The following ENPP5 variants were observed in gnomAD, a reference collection of about 807,000 sequenced individuals.
ENPP5 encodes the protein E-NPP 5.
ENPP5 carries 27 observed loss-of-function variants against 33.7 expected under a neutral mutation model. The ratio of observed to expected loss-of-function variants is 0.80; its 90% CI spans 0.59 to 1.11. The LOEUF is 1.11. ENPP5 is among the 50% of genes least tolerant of loss of function. The pLI is 0.00. For missense variants in ENPP5, 552 were observed against 579.2 expected (o/e 0.95, Z 0.48); for synonymous variants, 199 against 200.5 (o/e 0.99, Z 0.06).
chr6:46,164,728 A>AT (rs779495236), intron 4 of ENPP5, among the ~76,000 whole-genome samples: 7,162 of 92,866 alleles, frequency 0.077, 188 homozygotes, highest in South Asian at 0.13. Context: ...AAAACTGTTT[A>AT]TTTTTTTTTT....
chr6:46,161,193 G>GTA lies in ENPP5; in HGVS notation c.*131_*132dup. 5 of 645,200 alleles carry GTA rather than the reference G, an allele frequency of 7.7e-6. No homozygotes were observed. The highest frequency in any genetic ancestry group is 7.9e-6 in the Non-Finnish European group (3 of 377,770). 40.0% of individuals were successfully genotyped at this position (645,200 alleles called of 1,614,324 possible). A position where few individuals can be genotyped will look rare whatever the true frequency, so the allele number is the denominator to read the frequency against. On this transcript the variant is annotated 3_prime_UTR_variant, in exon 5 of 5. Coordinates refer to ENST00000371383, the MANE Select transcript of ENPP5 (RefSeq NM_001290072.2). ...TGTGTATGTGTGTGTGTGTGTGTGT[G>GTA]TATACCTAAATATGTAACTGCTTAA... is the stretch of plus-strand genomic sequence containing the variant.
intron 4 of ENPP5, chr6:46,165,120 G>A (rs1004360568): frequency 3.3e-6 from 1 of 301,682 alleles, no homozygotes. Flanking sequence ...AAATGCCATT[G>A]TTCAGGCATC....
At position 46,167,660 on chromosome 6, in the gene ENPP5, A is replaced by C; in HGVS notation, c.603T>G (p.Ser201Arg). The change falls in exon 3 of 5, where the codon AGT becomes AGG. Residue 201 changes from serine to arginine, a missense_variant. By Grantham distance (110) the Ser-to-Arg change is moderately radical. Transcript: ENST00000371383. Reference protein sequence around the residue: ...DDMGHHLGPDSPLMGPVISDI... With the variant: ...DDMGHHLGPDRPLMGPVISDI... ...CTGAAATGACAGGCCCCATGAGCGG[A>C]CTGTCAGGTCCCAAATGGTGGCCCA... 1 of 1,614,080 alleles carries C rather than the reference A, an allele frequency of 6.2e-7. No individual in the cohort carries two copies.
At position 46,159,491 on chromosome 6, in the gene ENPP5, T is replaced by C. The variant is rs1764320428; in HGVS notation, c.*1835A>G. The C allele has an allele frequency of 1.3e-5, 2 of 152,298 alleles. No homozygotes were observed. Among genetic ancestry groups the C allele is most frequent in the South Asian group, 4.1e-4 (2 of 4,820 alleles). The allele number at this position is 152,298 out of a possible 1,614,324, so 9.4% of individuals were successfully genotyped here. On this transcript the variant is annotated 3_prime_UTR_variant, in exon 5 of 5. Coordinates refer to ENST00000371383, the MANE Select transcript of ENPP5 (RefSeq NM_001290072.2). ...AGCCAACATGAGTGCTCATGTATTC[T>C]GAGATGTCTAATCCAGAGTTCATAC...
intron 4 of ENPP5, among the ~76,000 whole-genome samples, chr6:46,162,433 G>A (rs1764420720): frequency 6.6e-6 from 1 of 152,150 alleles, no homozygotes; most frequent in Non-Finnish European, 1.5e-5. Flanking sequence ...GACATAAAAT[G>A]GATACGAAAT....
rs987980465 is a variant in ENPP5 at position 46,168,378 on chromosome 6, G to C, written c.-35-81C>G. On this transcript the variant is annotated intron_variant, in intron 2 of 4. Coordinates refer to ENST00000371383, the MANE Select transcript of ENPP5 (RefSeq NM_001290072.2). ...CCCAAACTCAGAGTAACAGTGCTTA[G>C]CAATCCTAGTTATATTCATAAATCA... 6.8e-6 allele frequency: 4 copies of C among 589,740 alleles called. No homozygotes were observed. The East Asian group carries it at 1.1e-4, about 17-fold the overall frequency. 36.5% of individuals were successfully genotyped at this position (589,740 alleles called of 1,614,324 possible). A position where few individuals can be genotyped will look rare whatever the true frequency, so the allele number is the denominator to read the frequency against.
chr6:46,164,664 C>T (rs531317535), intron 4 of ENPP5, among the ~76,000 whole-genome samples: 2 of 152,008 alleles, frequency 1.3e-5, no homozygotes, highest in African/African-American at 2.4e-5. Flanking sequence ...TAAGAGCTAC[C>T]TGCACAAGAC....
chr6:46,167,996 C>T lies in ENPP5; in HGVS notation c.267G>A (p.Gly89=). The change falls in exon 3 of 5, where the codon GGG becomes GGA. Residue 89 remains glycine, a synonymous_variant. Transcript: ENST00000371383. ...GATCAAACATATCATTTGCAACAAT[C>T]CCATGATTCTCTGCAAAGAGGCCAG... ...LVTGLFAENH[G]IVANDMFDPI... is the part of the protein sequence containing the mutation. 5 of 1,614,118 alleles carry T rather than the reference C, an allele frequency of 3.1e-6. No homozygotes were observed. In the South Asian group the frequency reaches 4.4e-5, roughly 14 times the overall value.
Position 46,161,681 on chromosome 6 carries a change from CT to C in ENPP5, c.1078del (p.Arg360GlufsTer9). 1.2e-6 allele frequency: 2 copies of C among 1,613,886 alleles called. No homozygotes were observed. Among genetic ancestry groups the C allele is most frequent in the Non-Finnish European group, 1.7e-6 (2 of 1,179,892 alleles). ...PIFLAHGPAFRKNFSKEAMNS... is the reference protein window; with the variant it reads ...PIFLAHGPAFXKNFSKEAMNS... The stretch of plus-strand genomic sequence containing the variant: ...CATGGCTTCTTTTGAGAAATTCTTT[CT>C]GAAGGCAGGACCATGGGCTAAAAAT... On this transcript the variant is annotated frameshift_variant, in exon 5 of 5. Transcript: ENST00000371383. LOFTEE classifies it high-confidence loss of function.
rs376247289 is a variant in ENPP5 at position 46,165,380 on chromosome 6, TACTC to T, written c.1006+3_1006+6del. Reference sequence around the variant, plus strand: ...CAGAATGGAAAGAAATACTGTAACATACTCACACAGAAAGTCATCTGACTTATTC... The same window carrying T: ...CAGAATGGAAAGAAATACTGTAACATACACAGAAAGTCATCTGACTTATTC... On this transcript the variant is annotated splice_donor_5th_base_variant and intron_variant, in intron 4 of 4. Transcript: ENST00000371383. The T allele has an allele frequency of 3.0e-5, 46 of 1,554,892 alleles. No individual in the cohort carries two copies. Among genetic ancestry groups the T allele is most frequent in the Non-Finnish European group, 3.8e-5 (44 of 1,157,696 alleles).
In ENPP5 at chr6:46,167,549, A is replaced by G. The variant is rs2127498932; in HGVS notation, c.714T>C (p.Asp238=). Residue 238 remains aspartate, a synonymous_variant, in exon 3 of 5, where the codon GAT becomes GAC. Transcript: ENST00000371383. ...CCTCAGAGCACTGCGTCATTCCATG[A>G]TCACTTGTGATGATTAGGTTCAGAG... is the stretch of plus-strand genomic sequence containing the variant. ...WNTLNLIITS[D]HGMTQCSEER... 6.2e-7 allele frequency: 1 copy of G among 1,614,142 alleles called. No individual in the cohort carries two copies. Among genetic ancestry groups the G allele is most frequent in the South Asian group, 1.1e-5 (1 of 91,076 alleles).
intron 4 of ENPP5, among the ~76,000 whole-genome samples, chr6:46,162,281 A>G (rs1764416297): frequency 6.6e-6 from 1 of 152,208 alleles, no homozygotes; most frequent in Admixed American, 6.5e-5. Flanking sequence ...ATCTACTACT[A>G]AAAAACAAAG....
intron 3 of ENPP5, among the ~76,000 whole-genome samples, chr6:46,166,948 G>A (rs1165912472): frequency 6.6e-6 from 1 of 152,138 alleles, no homozygotes; most frequent in Admixed American, 6.5e-5. Context: ...AAAGTTTAAG[G>A]TATTGTTATT....
At chr6:46,166,395 G>C (rs1303013068) in intron 3 of ENPP5, among the ~76,000 whole-genome samples, 2 of 150,396 alleles carry the variant, frequency 1.3e-5, no homozygotes, top group Admixed American at 1.3e-4. Flanking sequence ...CTGGGCTCAA[G>C]CAACCCTTCC....
At chr6:46,169,390 ACTT>A (rs935282096) in intron 2 of ENPP5, among the ~76,000 whole-genome samples, 42 of 107,160 alleles carry the variant, frequency 3.9e-4, no homozygotes, top group Non-Finnish European at 3.8e-4. Flanking sequence ...TAAGCTGAAG[ACTT>A]CTTTTTTTTT....
At chr6:46,165,751 T>A (rs551658027) in intron 3 of ENPP5, among the ~76,000 whole-genome samples, 188 bp from the exon 4 acceptor site, 5 of 152,310 alleles carry the variant, frequency 3.3e-5, no homozygotes, top group African/African-American at 1.2e-4. Flanking sequence ...GTTCACCTTA[T>A]AGAATTAAGG....
intron 4 of ENPP5, 57 bp downstream of exon 4, chr6:46,165,330 T>G: frequency 1.5e-6 from 2 of 1,305,900 alleles, no homozygotes; most frequent in Non-Finnish European, 2.1e-6. Context: ...GTATTTAAAC[T>G]GTTGTATTTT....
chr6:46,167,696 G>A lies in ENPP5; in HGVS notation c.567C>T (p.Asp189=). The change falls in exon 3 of 5, where the codon GAC becomes GAT. Residue 189 remains aspartate, a synonymous_variant. Transcript: ENST00000371383. The stretch of plus-strand genomic sequence containing the variant: ...CCAAATGGTGGCCCATGTCATCAGG[G>A]TCTTCCCAATAGAGAAGACCAAGAT... ...PINLGLLYWE[D]PDDMGHHLGP... is the part of the protein sequence containing the mutation. 1 of 1,614,186 alleles carries A rather than the reference G, an allele frequency of 6.2e-7. No homozygotes were observed. Among genetic ancestry groups the A allele is most frequent in the Non-Finnish European group, 8.5e-7 (1 of 1,180,036 alleles).
chr6:46,162,232 A>G lies in ENPP5; in HGVS notation c.1007-479T>C, dbSNP rs780572175. On this transcript the variant is annotated intron_variant, in intron 4 of 4. Transcript: ENST00000371383. ...AAAATACGATACATAAAGAAAAGCA[A>G]AAGAAACCATAAAAATCAAACCTGT... is the stretch of plus-strand genomic sequence containing the variant. Among the ~76,000 whole-genome samples the G allele has an allele frequency of 5.7e-4, 87 of 152,342 alleles. 1 individual carries two copies. Among genetic ancestry groups the G allele is most frequent in the Middle Eastern group, 6.8e-3 (2 of 294 alleles).
Sources: gnomAD v4.1 joint callset for allele counts (sites outside exome capture counted in the v4.1 genomes callset) on GRCh38, gnomAD v4.1.1 for gene constraint, MANE v1.5 for transcripts, NCBI Gene and HGNC (gene_info 2026-07-23, HGNC 2026-07-21) for gene names.